ADARB2: variants seen among roughly 807,000 people sequenced by gnomAD.
ADARB2 encodes the protein adenosine deaminase RNA specific B2 (inactive), also known as inactive double-stranded RNA-specific editase B2.
ADARB2 carries 25 observed loss-of-function variants against 62.2 expected under a neutral mutation model. The ratio of observed to expected loss-of-function variants is 0.40; its 90% CI spans 0.29 to 0.56. The LOEUF (loss-of-function observed/expected upper bound fraction) is 0.56. Ranked by LOEUF, ADARB2 falls within the 20% of genes least tolerant of loss-of-function variation. The pLI is 0.43. For synonymous variants in ADARB2, 572 were observed against 500.8 expected, an observed-to-expected ratio of 1.14 and a Z score of -1.90; for missense variants, 1,071 against 1,077.4, an observed-to-expected ratio of 0.99 and a Z score of 0.08.
intron 1 of ADARB2, among the ~76,000 whole-genome samples, chr10:1,586,667 C>G (rs1230321263): frequency 6.6e-6 from 1 of 152,164 alleles, no homozygotes; most frequent in African/African-American, 2.4e-5. Context: ...GCCCAGAAAA[C>G]AAGGAAAACC....
At chr10:1,687,686 T>C (rs115069944) in intron 1 of ADARB2, among the ~76,000 whole-genome samples, 2,139 of 152,268 alleles carry the variant, frequency 0.014, 57 homozygotes, top group African/African-American at 0.049. Context: ...ACAAGGATTT[T>C]CCTGCCAAGA....
chr10:1,606,119 G>A (rs948467767), intron 1 of ADARB2, among the ~76,000 whole-genome samples: 1 of 152,202 alleles, frequency 6.6e-6, no homozygotes, highest in African/African-American at 2.4e-5. Context: ...TTCCTGGGCT[G>A]GGTTTCAGGT....
chr10:1,626,074 GCT>G (rs1442594052), intron 1 of ADARB2, among the ~76,000 whole-genome samples: 2 of 143,676 alleles, frequency 1.4e-5, no homozygotes, highest in African/African-American at 5.3e-5. Flanking sequence ...ATCTGCCCAC[GCT>G]CTCTCTTGCA....
At chr10:1,507,948 G>A (rs1331619658) in intron 1 of ADARB2, among the ~76,000 whole-genome samples, 1 of 152,268 alleles carries the variant, frequency 6.6e-6, no homozygotes, top group African/African-American at 2.4e-5. Context: ...AACTAGTAAC[G>A]TGGTCAGGGC....
intron 4 of ADARB2, among the ~76,000 whole-genome samples, chr10:1,258,142 C>G (rs530366108): frequency 6.6e-6 from 1 of 152,242 alleles, no homozygotes; most frequent in East Asian, 1.9e-4. Context: ...CTCTCCCTCC[C>G]TCCCTAACTC....
At chr10:1,183,563 C>T (rs1337430981) in intron 9 of ADARB2, among the ~76,000 whole-genome samples, 194 bp from the exon 10 acceptor site, 1 of 152,228 alleles carries the variant, frequency 6.6e-6, no homozygotes, top group Non-Finnish European at 1.5e-5. Context: ...AAACCCGCTT[C>T]ATCTGAGGTG....
At chr10:1,321,530 A>C (rs1450371307) in intron 3 of ADARB2, among the ~76,000 whole-genome samples, 1 of 152,066 alleles carries the variant, frequency 6.6e-6, no homozygotes, top group East Asian at 1.9e-4. Context: ...AAAAGTGCTC[A>C]TCACTGCGCC....
At chr10:1,268,764 A>G (rs575347055) in intron 4 of ADARB2, among the ~76,000 whole-genome samples, 2 of 152,352 alleles carry the variant, frequency 1.3e-5, no homozygotes, top group South Asian at 4.1e-4. Context: ...TTCAGCATTC[A>G]GAAGTCACTA....
chr10:1,562,490 G>C (rs1414410966), intron 1 of ADARB2, among the ~76,000 whole-genome samples: 1 of 152,172 alleles, frequency 6.6e-6, no homozygotes, highest in Admixed American at 6.5e-5. Flanking sequence ...AGCCTGTCAG[G>C]TATATGCGGT....
intron 3 of ADARB2, among the ~76,000 whole-genome samples, chr10:1,295,556 G>T (rs1245821143): frequency 6.6e-6 from 1 of 151,562 alleles, no homozygotes; most frequent in African/African-American, 2.4e-5. Flanking sequence ...GCTCTCTCTG[G>T]TGGTGGGAGT....
rs577485869 is a variant in ADARB2 at position 1,705,710 on chromosome 10, G to A, written c.100+31341C>T. On this transcript the variant is annotated intron_variant, in intron 1 of 9. Coordinates refer to ENST00000381312, the MANE Select transcript of ADARB2 (RefSeq NM_018702.4). ...GATTTTACTGTCTCCACCTAAAGCTGTTCTTACAAAGAAGCGTGTGAGGCC... is the reference window on the plus strand; with the variant it reads ...GATTTTACTGTCTCCACCTAAAGCTATTCTTACAAAGAAGCGTGTGAGGCC... Among the ~76,000 whole-genome samples, 157 of 152,326 alleles carry A rather than the reference G, an allele frequency of 1.0e-3. 2 individuals carry two copies. Among genetic ancestry groups the A allele is most frequent in the African/African-American group, 3.6e-3 (149 of 41,570 alleles).
At chr10:1,422,549 C>A (rs955401913) in intron 1 of ADARB2, among the ~76,000 whole-genome samples, 8 of 152,142 alleles carry the variant, frequency 5.3e-5, no homozygotes, top group African/African-American at 1.9e-4. Context: ...GGAGAGGAGC[C>A]CGTAGGTCAC....
At chr10:1,521,982 C>A (rs905026561) in intron 1 of ADARB2, among the ~76,000 whole-genome samples, 1 of 152,098 alleles carries the variant, frequency 6.6e-6, no homozygotes, top group East Asian at 1.9e-4. Context: ...ATATTTGGCT[C>A]GGAATAAATC....
intron 1 of ADARB2, among the ~76,000 whole-genome samples, chr10:1,643,331 C>T (rs942834125): frequency 4.6e-5 from 7 of 152,206 alleles, no homozygotes; most frequent in Non-Finnish European, 8.8e-5. Flanking sequence ...ACTTAGCCAC[C>T]TGCAGATGGA....
intron 1 of ADARB2, among the ~76,000 whole-genome samples, chr10:1,616,063 G>T (rs923179638): frequency 2.6e-5 from 4 of 152,248 alleles, no homozygotes; most frequent in Non-Finnish European, 5.9e-5. Flanking sequence ...GCAGGGGGAG[G>T]CTGGAATTCT....
chr10:1,253,319 C>T (rs1443560576), intron 4 of ADARB2, among the ~76,000 whole-genome samples: 1 of 152,186 alleles, frequency 6.6e-6, no homozygotes, highest in Non-Finnish European at 1.5e-5. Context: ...CCATTATTAA[C>T]TTCTACTGAC....
At chr10:1,458,675 C>T (rs2131906701) in intron 1 of ADARB2, among the ~76,000 whole-genome samples, 1 of 152,176 alleles carries the variant, frequency 6.6e-6, no homozygotes, top group African/African-American at 2.4e-5. Flanking sequence ...CCCCTCACTC[C>T]AGGAGCTAAA....
At chr10:1,709,096 A>G (rs1834923664) in intron 1 of ADARB2, among the ~76,000 whole-genome samples, 1 of 152,222 alleles carries the variant, frequency 6.6e-6, no homozygotes, top group Non-Finnish European at 1.5e-5. Flanking sequence ...TGACTGTTTC[A>G]TAGGTATTTC....
intron 1 of ADARB2, among the ~76,000 whole-genome samples, chr10:1,409,472 C>T (rs1466003487): frequency 1.3e-5 from 2 of 151,340 alleles, no homozygotes; most frequent in Admixed American, 6.6e-5. Flanking sequence ...GGTGCTAAGG[C>T]CTGGCCGTGG....
Sources: gnomAD v4.1 joint callset for allele counts (sites outside exome capture counted in the v4.1 genomes callset) on GRCh38, gnomAD v4.1.1 for gene constraint, MANE v1.5 for transcripts, NCBI Gene and HGNC (gene_info 2026-07-23, HGNC 2026-07-21) for gene names.